Variants in PCDHGA6 observed in about 807,000 individuals in gnomAD.
The protein encoded by PCDHGA6 is protocadherin gamma-A6.
Under a neutral mutation model 60.6 loss-of-function variants are expected in PCDHGA6, and 41 were observed. That is an observed-to-expected ratio of 0.68 (90% CI 0.53 to 0.88). The LOEUF (loss-of-function observed/expected upper bound fraction) is 0.88. Among genes scored for constraint, PCDHGA6 ranks in the 40% least tolerant of loss-of-function variants. PCDHGA6 has a pLI of 0.00. For missense variants in PCDHGA6, 1,312 were observed against 1,203.0 expected (o/e 1.09, Z -1.34); for synonymous variants, 594 against 524.4 (o/e 1.13, Z -1.81).
intron 2 of PCDHGA6, among the ~76,000 whole-genome samples, chr5:141,501,984 G>A (rs989251578): frequency 2.0e-5 from 3 of 152,042 alleles, no homozygotes; most frequent in African/African-American, 4.8e-5. Context: ...ATCTGGTCCC[G>A]TTGTCTCCCT....
chr5:141,495,853 C>T (rs1254274145), intron 2 of PCDHGA6, among the ~76,000 whole-genome samples: 1 of 152,136 alleles, frequency 6.6e-6, no homozygotes, highest in African/African-American at 2.4e-5. Context: ...TTCTCTGTCT[C>T]TCACTATTTC....
At chr5:141,380,859 A>G (rs1428223236) in intron 1 of PCDHGA6, among the ~76,000 whole-genome samples, 1 of 152,262 alleles carries the variant, frequency 6.6e-6, no homozygotes, top group Non-Finnish European at 1.5e-5. Context: ...AGACATTGAG[A>G]GCTATAACCT....
At chr5:141,452,908 A>G (rs747849272) in intron 1 of PCDHGA6, among the ~76,000 whole-genome samples, 5 of 152,222 alleles carry the variant, frequency 3.3e-5, no homozygotes, top group African/African-American at 4.8e-5. Flanking sequence ...AGTTGGCATT[A>G]TACAGTAAGA....
At chr5:141,492,637 C>T (rs2099742781) in intron 1 of PCDHGA6, among the ~76,000 whole-genome samples, 1 of 152,260 alleles carries the variant, frequency 6.6e-6, no homozygotes, top group South Asian at 2.1e-4. Context: ...CTCTACGATC[C>T]TTGGGCCAGA....
intron 1 of PCDHGA6, chr5:141,399,718 C>T (rs770212703): frequency 6.2e-7 from 1 of 1,613,306 alleles, no homozygotes; most frequent in Non-Finnish European, 8.5e-7. Context: ...ACTACAGGCC[C>T]GCGACCAGGG....
At chr5:141,395,076 C>A (rs1384743817) in intron 1 of PCDHGA6, 1 of 1,614,142 alleles carries the variant, frequency 6.2e-7, no homozygotes, top group Admixed American at 1.7e-5. Context: ...GACCTATTCC[C>A]AGGAAGTCTC....
intron 1 of PCDHGA6, chr5:141,390,418 A>C (rs2092141411): frequency 9.1e-7 from 1 of 1,099,654 alleles, no homozygotes; most frequent in African/African-American, 1.6e-5. Context: ...TAGTCAGTTA[A>C]AAAGCTGTCA....
At chr5:141,472,980 C>CAAAAAAAAAA (rs60579131) in intron 1 of PCDHGA6, among the ~76,000 whole-genome samples, 34 of 85,838 alleles carry the variant, frequency 4.0e-4, no homozygotes, top group South Asian at 1.3e-3. Context: ...GAGTGAAACT[C>CAAAAAAAAAA]AAAAAAAAAA....
At chr5:141,409,729 G>A (rs781234442) in intron 1 of PCDHGA6, 161 of 1,612,966 alleles carry the variant, frequency 1.0e-4, no homozygotes, top group Non-Finnish European at 1.7e-6. Context: ...CAGTGAGCGC[G>A]CAGAGCGGGG....
At chr5:141,394,777 C>T (rs2093090848) in intron 1 of PCDHGA6, 5 of 1,613,516 alleles carry the variant, frequency 3.1e-6, no homozygotes, top group African/African-American at 2.7e-5. Flanking sequence ...CCCCCTCTCT[C>T]CGCCACTGTC....
chr5:141,489,592 C>A lies in PCDHGA6; in HGVS notation c.2425-5215C>A, dbSNP rs747085985. On this transcript the variant is annotated intron_variant, in intron 1 of 3. Coordinates refer to ENST00000517434, the MANE Select transcript of PCDHGA6 (RefSeq NM_018919.3). The surrounding 1 kb of genome is among the most constrained non-coding windows in gnomAD (Gnocchi z 4.5). ...GACTGAACACCCCCTGGAGCTAATCCGTGTAGAGGTAGAGATCCTGGATCT... is the reference window on the plus strand; with the variant it reads ...GACTGAACACCCCCTGGAGCTAATCAGTGTAGAGGTAGAGATCCTGGATCT... 3 of 1,614,046 alleles carry A rather than the reference C, an allele frequency of 1.9e-6. No homozygotes were observed. Among genetic ancestry groups the A allele is most frequent in the Non-Finnish European group, 2.5e-6 (3 of 1,179,978 alleles).
In PCDHGA6 at chr5:141,486,001, C is replaced by T. The variant is rs771993915; in HGVS notation, c.2425-8806C>T. ...ACCCGGACCTGGGTCCCAGTGGTAA[C>T]GTCACCTTTTATTTCAGTGGTCATA... On this transcript the variant is annotated intron_variant, in intron 1 of 3. Coordinates refer to ENST00000517434, the MANE Select transcript of PCDHGA6 (RefSeq NM_018919.3). This position sits in a 1 kb window ranked among gnomAD's most constrained non-coding sequence, Gnocchi z 5.0. The T allele has an allele frequency of 2.5e-6, 4 of 1,614,076 alleles. No homozygotes were observed. The highest frequency in any genetic ancestry group is 8.5e-7 in the Non-Finnish European group (1 of 1,180,032).
Position 141,489,213 on chromosome 5 carries a change from T to G in PCDHGA6, c.2425-5594T>G, listed in dbSNP as rs372898969. 11 of 1,473,392 alleles carry G rather than the reference T, an allele frequency of 7.5e-6. No homozygotes were observed. The highest frequency in any genetic ancestry group is 6.4e-6 in the Non-Finnish European group (7 of 1,091,332). 91.3% of individuals were successfully genotyped at this position (1,473,392 alleles called of 1,614,324 possible). On this transcript the variant is annotated intron_variant, in intron 1 of 3. Coordinates refer to ENST00000517434, the MANE Select transcript of PCDHGA6 (RefSeq NM_018919.3). This position sits in a 1 kb window ranked among gnomAD's most constrained non-coding sequence, Gnocchi z 4.5. Reference sequence around the variant, plus strand: ...ACCTTGGAGACAGGACAGCACAGACTTACTCTCCACAAAGGGACTTCTGGG... The same window carrying G: ...ACCTTGGAGACAGGACAGCACAGACGTACTCTCCACAAAGGGACTTCTGGG...
rs1168771567 is a variant in PCDHGA6 at position 141,398,057 on chromosome 5, A to T, written c.2424+21550A>T. On this transcript the variant is annotated intron_variant, in intron 1 of 3. Coordinates refer to ENST00000517434, the MANE Select transcript of PCDHGA6 (RefSeq NM_018919.3). ...CTAAAGCCCGTTCGGAGATCCAAAAATCTACAATACAGAGGTTATTTGTAA... is the reference window on the plus strand; with the variant it reads ...CTAAAGCCCGTTCGGAGATCCAAAATTCTACAATACAGAGGTTATTTGTAA... 9 of 1,524,504 alleles carry T rather than the reference A, an allele frequency of 5.9e-6. No individual in the cohort carries two copies. In the South Asian group the frequency reaches 1.1e-4, roughly 19 times the overall value. 94.4% of individuals were successfully genotyped at this position (1,524,504 alleles called of 1,614,324 possible). A position where few individuals can be genotyped will look rare whatever the true frequency, so the allele number is the denominator to read the frequency against.
rs371807105 is a variant in PCDHGA6 at position 141,476,586 on chromosome 5, A to G, written c.2425-18221A>G. ...GCTCCGGGGACGCGCTTTCCGCTCG[A>G]GAGCGCGCACGATCCCGATGTGGGA... is the stretch of plus-strand genomic sequence containing the variant. On this transcript the variant is annotated intron_variant, in intron 1 of 3. Coordinates refer to ENST00000517434, the MANE Select transcript of PCDHGA6 (RefSeq NM_018919.3). This position sits in a 1 kb window ranked among gnomAD's most constrained non-coding sequence, Gnocchi z 7.6. The G allele has an allele frequency of 6.2e-7, 1 of 1,614,222 alleles. No homozygotes were observed. The highest frequency in any genetic ancestry group is 8.5e-7 in the Non-Finnish European group (1 of 1,180,032).
chr5:141,376,796 C>G (rs1030059088), intron 1 of PCDHGA6: 1 of 345,194 alleles, frequency 2.9e-6, no homozygotes, highest in South Asian at 3.6e-5. Flanking sequence ...ACGCCATTCT[C>G]CTGCCTCAGC....
chr5:141,467,811 A>T (rs562932160), intron 1 of PCDHGA6, among the ~76,000 whole-genome samples: 1 of 152,164 alleles, frequency 6.6e-6, no homozygotes, highest in African/African-American at 2.4e-5. Flanking sequence ...GGCACATGCC[A>T]CCACACCAGG....
rs866710706 is a variant in PCDHGA6, at chr5:141,485,167, G to A, written c.2425-9640G>A. On this transcript the variant is annotated intron_variant, in intron 1 of 3. Transcript: ENST00000517434. The surrounding 1 kb of genome is among the most constrained non-coding windows in gnomAD (Gnocchi z 5.7). ...AGGAGCAAGTAGAGAATTAGCGGGC[G>A]GCAGCAATGCTCCGCAAGGTGAGAA... The A allele has an allele frequency of 6.2e-7, 1 of 1,608,386 alleles. No homozygotes were observed.
chr5:141,383,324 T>C (rs750393068), intron 1 of PCDHGA6: 2 of 1,613,904 alleles, frequency 1.2e-6, no homozygotes, highest in African/African-American at 1.3e-5. Flanking sequence ...AATGTAAAAA[T>C]AATGGAGAAT....
Sources: allele counts gnomAD v4.1 joint callset (sites outside exome capture counted in the v4.1 genomes callset), GRCh38; gene constraint gnomAD v4.1.1; non-coding constraint Gnocchi (gnomAD v3.1); transcripts MANE v1.5; gene names NCBI Gene and HGNC (gene_info 2026-07-23, HGNC 2026-07-21).